Variants in CAPN3 observed in about 807,000 individuals in gnomAD.
CAPN3 encodes calpain-3.
In CAPN3, 88 loss-of-function variants were observed where a neutral mutation model predicts 114.0. That is an observed-to-expected ratio of 0.77 (90% CI 0.65 to 0.92). CAPN3 has a LOEUF of 0.92. Ranked by LOEUF, CAPN3 falls within the 40% of genes least tolerant of loss-of-function variation. The pLI, the probability that CAPN3 is intolerant of heterozygous loss-of-function variation, is 0.00. For synonymous variants in CAPN3, 386 were observed against 382.9 expected, an observed-to-expected ratio of 1.01 and a Z score of -0.09; for missense variants, 1,028 against 1,069.0, an observed-to-expected ratio of 0.96 and a Z score of 0.53.
At position 42,401,647 on chromosome 15, in the gene CAPN3, T is replaced by C. The variant is rs1434816743; in HGVS notation, c.1361T>C (p.Phe454Ser). ...TTCCTTTCTGGGGGTGCAGATACTT[T>C]CTGGACCAACCCTCAGTACCGTCTG... is the stretch of plus-strand genomic sequence containing the variant. ...AGGCRNFPDT[F>S]WTNPQYRLKL... is the part of the protein sequence containing the mutation. Residue 454 changes from phenylalanine to serine, a missense_variant, in exon 11 of 24, where the codon TTC becomes TCC. Physicochemically the swap from Phe to Ser is radical, Grantham distance 155. Transcript: ENST00000397163. 6.8e-6 allele frequency: 11 copies of C among 1,614,116 alleles called. No individual in the cohort carries two copies.
chr15:42,366,033 C>T (rs546614177), intron 1 of CAPN3, among the ~76,000 whole-genome samples: 11 of 152,312 alleles, frequency 7.2e-5, no homozygotes, highest in African/African-American at 2.6e-4. Flanking sequence ...CTAGTACTTT[C>T]TTGATCTTAT....
intron 10 of CAPN3, among the ~76,000 whole-genome samples, chr15:42,401,142 C>T (rs1188772592): frequency 1.3e-5 from 2 of 150,858 alleles, no homozygotes; most frequent in East Asian, 2.0e-4. Context: ...TGCAGTGAGC[C>T]GAGATCGCGC....
chr15:42,365,150 C>T (rs559793465), intron 1 of CAPN3, among the ~76,000 whole-genome samples: 1 of 152,240 alleles, frequency 6.6e-6, no homozygotes, highest in Non-Finnish European at 1.5e-5. Context: ...CCAGACCCAC[C>T]CTAACCTAGA....
Position 42,379,468 on chromosome 15 carries a change from C to A in CAPN3, c.310-5015C>A, listed in dbSNP as rs78794553. On this transcript the variant is annotated intron_variant, in intron 1 of 23. Transcript: ENST00000397163. Reference sequence around the variant, plus strand: ...GATCCAGTTGGTTGATAGTGTTGTTCAGGTCAACAATATCCTTATTGCTTT... The same window carrying A: ...GATCCAGTTGGTTGATAGTGTTGTTAAGGTCAACAATATCCTTATTGCTTT... Among the ~76,000 whole-genome samples, 1,049 of 152,226 alleles carry A rather than the reference C, an allele frequency of 6.9e-3. 10 individuals are homozygous for A. Among genetic ancestry groups the A allele is most frequent in the African/African-American group, 0.024 (1,014 of 41,512 alleles).
chr15:42,402,868 C>T lies in CAPN3; in HGVS notation c.1611C>T (p.Tyr537=). The T allele has an allele frequency of 6.2e-7, 1 of 1,614,198 alleles. No homozygotes were observed. Among genetic ancestry groups the T allele is most frequent in the Admixed American group, 1.7e-5 (1 of 60,024 alleles). ...CCTCCAAGGCCAGGAGCAAAACCTA[C>T]ATCAACATGCGGGAGGTGTCCCAGC... ...YNASKARSKT[Y]INMREVSQRF... is the part of the protein sequence containing the mutation. The change falls in exon 13 of 24, where the codon TAC becomes TAT. Residue 537 remains tyrosine (Y), a synonymous_variant. Transcript: ENST00000397163.
chr15:42,395,728 C>G (rs1256578337), intron 8 of CAPN3, among the ~76,000 whole-genome samples: 3 of 152,168 alleles, frequency 2.0e-5, no homozygotes, highest in Admixed American at 6.5e-5. Flanking sequence ...ACAAGTGGAC[C>G]CAACGCTGTT....
Position 42,359,582 on chromosome 15 carries a change from C to G in CAPN3, c.-224C>G. On this transcript the variant is annotated 5_prime_UTR_variant, in exon 1 of 24. Coordinates refer to ENST00000397163, the MANE Select transcript of CAPN3 (RefSeq NM_000070.3). ...ACATTGCTTCAGAAATCCTTTAGCA[C>G]TCATTTCTCAGGAGAACTTATGGCT... 1 of 1,407,682 alleles carries G rather than the reference C, an allele frequency of 7.1e-7. No individual in the cohort carries two copies. Among genetic ancestry groups the G allele is most frequent in the Non-Finnish European group, 9.2e-7 (1 of 1,084,408 alleles). The allele number at this position is 1,407,682 out of a possible 1,614,324, so 87.2% of individuals were successfully genotyped here. A position where few individuals can be genotyped will look rare whatever the true frequency, so the allele number is the denominator to read the frequency against.
At chr15:42,360,984 T>C (rs529275407) in intron 1 of CAPN3, among the ~76,000 whole-genome samples, 1 of 152,298 alleles carries the variant, frequency 6.6e-6, no homozygotes, top group South Asian at 2.1e-4. Flanking sequence ...AAATTCCAGC[T>C]GTCTTGGAAC....
At chr15:42,405,980 TCATGCATATGTATG>T in intron 15 of CAPN3, 37 bp downstream of exon 15, 2 of 1,586,044 alleles carry the variant, frequency 1.3e-6, no homozygotes, top group Non-Finnish European at 1.7e-6. Flanking sequence ...GTGTGTGTAC[TCATGCATATGTATG>T]TGCATGCATG....
Position 42,387,843 on chromosome 15 carries a change from C to T in CAPN3, c.589C>T (p.Arg197Cys), listed in dbSNP as rs199718635. The change falls in exon 4 of 24, where the codon CGC becomes TGC. Residue 197 changes from arginine (R) to cysteine (C), a missense_variant. Coordinates refer to ENST00000397163, the MANE Select transcript of CAPN3 (RefSeq NM_000070.3). ...NQLVFTKSNH[R>C]NEFWSALLEK... is the part of the protein sequence containing the mutation. ...ACTGGTTTTCACCAAGTCCAACCAC[C>T]GCAATGAGTTCTGGAGTGCTCTGCT... 3.3e-4 allele frequency: 540 copies of T among 1,614,020 alleles called. 1 individual carries two copies. The highest frequency in any genetic ancestry group is 4.1e-4 in the Non-Finnish European group (478 of 1,180,044).
At chr15:42,390,213 C>A in intron 6 of CAPN3, 117 bp downstream of exon 6, 1 of 1,158,086 alleles carries the variant, frequency 8.6e-7, no homozygotes, top group South Asian at 1.3e-5. Context: ...CCACCTGGCA[C>A]CTCCCAAGGG....
intron 14 of CAPN3, chr15:42,404,502 G>GT: frequency 2.2e-6 from 1 of 454,344 alleles, no homozygotes; most frequent in Non-Finnish European, 4.4e-6. Context: ...ACAGAGCTCA[G>GT]TAAGTGGCAG....
intron 22 of CAPN3, 50 bp from the exon 23 acceptor site, chr15:42,411,237 G>C: frequency 2.0e-6 from 3 of 1,466,796 alleles, no homozygotes; most frequent in Non-Finnish European, 2.9e-6. Flanking sequence ...TACAGTAGTA[G>C]AGGCGGAGTG....
intron 23 of CAPN3, 126 bp from the exon 24 acceptor site, chr15:42,411,621 A>G: frequency 2.7e-6 from 2 of 748,046 alleles, no homozygotes; most frequent in Non-Finnish European, 4.8e-6. Context: ...TGCTTCTTGG[A>G]AAATCTTCTG....
In CAPN3 at chr15:42,401,693, T is replaced by C; in HGVS notation, c.1407T>C (p.Asp469=). ...GTCTGAAGCTCCTGGAGGAGGACGA[T>C]GACCCTGATGACTCGGAGGTGATTT... The part of the protein sequence containing the change: ...QYRLKLLEED[D]DPDDSEVICS... The change falls in exon 11 of 24, where the codon GAT becomes GAC. Residue 469 remains aspartate (D), a synonymous_variant. Transcript: ENST00000397163. 6.2e-7 allele frequency: 1 copy of C among 1,614,138 alleles called. No individual in the cohort carries two copies. The highest frequency in any genetic ancestry group is 8.5e-7 in the Non-Finnish European group (1 of 1,180,008).
intron 9 of CAPN3, 21 bp downstream of exon 9, chr15:42,396,898 G>A (rs199816913): frequency 6.5e-5 from 103 of 1,573,956 alleles, no homozygotes; most frequent in Non-Finnish European, 6.8e-5. Context: ...AACCCAGGAA[G>A]ACCCAGAAGG....
At chr15:42,366,839 T>C (rs968121724) in intron 1 of CAPN3, among the ~76,000 whole-genome samples, 4 of 137,064 alleles carry the variant, frequency 2.9e-5, no homozygotes, top group Non-Finnish European at 6.0e-5. Flanking sequence ...TTTTTTTTTT[T>C]CTTTTTTTTT....
rs1595826640 is a variant in CAPN3 at position 42,392,609 on chromosome 15, CT to C, written c.946-29del. 6.3e-7 allele frequency: 1 copy of C among 1,577,098 alleles called. No individual in the cohort carries two copies. The highest frequency in any genetic ancestry group is 1.3e-5 in the African/African-American group (1 of 74,142). On this transcript the variant is annotated intron_variant, in intron 6 of 23. Transcript: ENST00000397163. ...CAGCAGAACTTCTGTTCCCCCGCCC[CT>C]AATGGGTTCTCTGGTTACTGCTCTA...
intron 1 of CAPN3, among the ~76,000 whole-genome samples, chr15:42,383,885 ACT>A (rs762814672): frequency 2.6e-5 from 4 of 151,542 alleles, no homozygotes; most frequent in Non-Finnish European, 4.4e-5. Context: ...CACTGCCCTA[ACT>A]CTCAAGTTGC....
Sources: gnomAD v4.1 joint callset for allele counts (sites outside exome capture counted in the v4.1 genomes callset) on GRCh38, gnomAD v4.1.1 for gene constraint, MANE v1.5 for transcripts, NCBI Gene and HGNC (gene_info 2026-07-23, HGNC 2026-07-21) for gene names.